The following SMPDL3B variants were observed in gnomAD, a reference collection of about 807,000 sequenced individuals.
The protein encoded by SMPDL3B is acid sphingomyelinase-like phosphodiesterase 3b.
A neutral mutation model predicts 37.9 loss-of-function variants in SMPDL3B; 31 were observed. That is an observed-to-expected ratio of 0.82 (90% CI 0.61 to 1.10). The LOEUF (loss-of-function observed/expected upper bound fraction) is 1.10, where lower values mean the gene tolerates loss of function less well. Ranked by LOEUF, SMPDL3B falls within the 50% of genes least tolerant of loss-of-function variation. SMPDL3B has a pLI of 0.00. For synonymous variants in SMPDL3B, 235 were observed against 242.6 expected (o/e 0.97, Z 0.29); for missense variants, 525 against 597.8 (o/e 0.88, Z 1.27).
intron 1 of SMPDL3B, among the ~76,000 whole-genome samples, chr1:27,935,743 T>G (rs1192925585): frequency 2.6e-5 from 4 of 151,986 alleles, no homozygotes; most frequent in Admixed American, 1.3e-4. Context: ...AGGCGGGTTG[T>G]GGGGAGGGGG....
Position 27,958,542 on chromosome 1 carries a change from G to C in SMPDL3B, c.1072G>C (p.Glu358Gln). Residue 358 changes from glutamate to glutamine, a missense_variant, in exon 8 of 8, where the codon GAG (glutamate) becomes CAG (glutamine). Physicochemically the swap from Glu to Gln is conservative, Grantham distance 29 (BLOSUM62 2). Coordinates refer to ENST00000373894, the MANE Select transcript of SMPDL3B (RefSeq NM_014474.4). The surrounding 1 kb of genome is among the most constrained non-coding windows in gnomAD (Gnocchi z 5.6). ...NAQGTPRWEL[E>Q]YQLTEAYGVP... ...TCAGGGGACGCCGCGCTGGGAGCTC[G>C]AGTACCAGCTGACCGAGGCCTATGG... 4 of 1,613,884 alleles carry C rather than the reference G, an allele frequency of 2.5e-6. No homozygotes were observed. Among genetic ancestry groups the C allele is most frequent in the Non-Finnish European group, 3.4e-6 (4 of 1,179,900 alleles).
At chr1:27,957,684 A>C (rs1294172545) in intron 7 of SMPDL3B, among the ~76,000 whole-genome samples, 4 of 152,018 alleles carry the variant, frequency 2.6e-5, no homozygotes, top group Non-Finnish European at 4.4e-5. Flanking sequence ...CCACATGGGC[A>C]CTCCAAGGGT....
In SMPDL3B at chr1:27,954,469, C is replaced by CCAG; in HGVS notation, c.637_639dup (p.Gln213dup). ...TGACAGCAGACATGGCGGACCCTGG[C>CCAG]CAGCAGTTCCAGTGGCTGGAAGATG... On this transcript the variant is annotated inframe_insertion, in exon 5 of 8. Coordinates refer to ENST00000373894, the MANE Select transcript of SMPDL3B (RefSeq NM_014474.4). The CCAG allele has an allele frequency of 6.2e-7, 1 of 1,614,060 alleles. No homozygotes were observed. Among genetic ancestry groups the CCAG allele is most frequent in the Non-Finnish European group, 8.5e-7 (1 of 1,180,016 alleles).
Position 27,955,789 on chromosome 1 carries a change from C to CT in SMPDL3B, c.796_797insT (p.His266LeufsTer23), listed in dbSNP as rs780426020. Reference sequence around the variant, plus strand: ...AAAATACCTGAAGGTGGTCCGGAAGCATCATCGCGTCATAGCAGGGCAGTT... The same window carrying CT: ...AAAATACCTGAAGGTGGTCCGGAAGCTATCATCGCGTCATAGCAGGGCAGTT... On this transcript the variant is annotated frameshift_variant, in exon 6 of 8. Coordinates refer to ENST00000373894, the MANE Select transcript of SMPDL3B (RefSeq NM_014474.4). LOFTEE classifies it high-confidence loss of function. 6.2e-7 allele frequency: 1 copy of CT among 1,614,162 alleles called. No individual in the cohort carries two copies. Among genetic ancestry groups the CT allele is most frequent in the Admixed American group, 1.7e-5 (1 of 60,022 alleles).
chr1:27,959,083 AC>A lies in SMPDL3B; in HGVS notation c.*251del, dbSNP rs1403501083. The A allele has an allele frequency of 2.0e-6, 1 of 511,252 alleles. No individual in the cohort carries two copies. Among genetic ancestry groups the A allele is most frequent in the South Asian group, 3.1e-5 (1 of 32,282 alleles). The allele number at this position is 511,252 out of a possible 1,614,324, so 31.7% of individuals were successfully genotyped here. ...AACAGAAAAGAAATGACGACCCAAGACCCCCCTACAAGCATACTTCTTTTGC... is the reference window on the plus strand; with the variant it reads ...AACAGAAAAGAAATGACGACCCAAGACCCCCTACAAGCATACTTCTTTTGC... On this transcript the variant is annotated 3_prime_UTR_variant, in exon 8 of 8. Coordinates refer to ENST00000373894, the MANE Select transcript of SMPDL3B (RefSeq NM_014474.4).
In SMPDL3B at chr1:27,955,713, G is replaced by C; in HGVS notation, c.720G>C (p.Gly240=). ...MVYIVGHVPP[G]FFEKTQNKAW... is the part of the protein sequence containing the mutation. ...ACATTGTCGGCCACGTGCCCCCGGGGTTCTTTGAGAAGACGCAAAACAAGG... is the reference window on the plus strand; with the variant it reads ...ACATTGTCGGCCACGTGCCCCCGGGCTTCTTTGAGAAGACGCAAAACAAGG... Residue 240 remains glycine, a synonymous_variant, in exon 6 of 8, where the codon GGG becomes GGC. Coordinates refer to ENST00000373894, the MANE Select transcript of SMPDL3B (RefSeq NM_014474.4). The C allele has an allele frequency of 6.2e-7, 1 of 1,614,100 alleles. No homozygotes were observed. Among genetic ancestry groups the C allele is most frequent in the Non-Finnish European group, 8.5e-7 (1 of 1,180,004 alleles).
chr1:27,947,371 A>C (rs1055184155), intron 2 of SMPDL3B, among the ~76,000 whole-genome samples: 3 of 151,878 alleles, frequency 2.0e-5, no homozygotes, highest in Non-Finnish European at 2.9e-5. Flanking sequence ...AATCTCTGAG[A>C]CCTTGAAGAG....
chr1:27,940,573 G>T (rs575424055), intron 1 of SMPDL3B, among the ~76,000 whole-genome samples: 12 of 152,090 alleles, frequency 7.9e-5, no homozygotes, highest in Non-Finnish European at 1.6e-4. Context: ...GCTATGGGGT[G>T]GTGCAGTAGG....
At chr1:27,950,007 A>G (rs900821768) in intron 3 of SMPDL3B, among the ~76,000 whole-genome samples, 2 of 152,202 alleles carry the variant, frequency 1.3e-5, no homozygotes, top group Non-Finnish European at 2.9e-5. Flanking sequence ...CACTGTCACC[A>G]TAAGCCTTGG....
In SMPDL3B at chr1:27,955,978, C is replaced by T; in HGVS notation, c.901C>T (p.Pro301Ser). Reference sequence around the variant, plus strand: ...CCCCATAAGCGCCATGTTCATCACACCTGGAGTCACCCCATGGAAAACCAC... The same window carrying T: ...CCCCATAAGCGCCATGTTCATCACATCTGGAGTCACCCCATGGAAAACCAC... ...GVPISAMFIT[P>S]GVTPWKTTLP... Residue 301 changes from proline to serine, a missense_variant, in exon 7 of 8, where the codon CCT (proline) becomes TCT (serine). Physicochemically the swap from Pro to Ser is moderately conservative, Grantham distance 74. Coordinates refer to ENST00000373894, the MANE Select transcript of SMPDL3B (RefSeq NM_014474.4). 2 of 1,614,120 alleles carry T rather than the reference C, an allele frequency of 1.2e-6. No homozygotes were observed. Among genetic ancestry groups the T allele is most frequent in the Non-Finnish European group, 1.7e-6 (2 of 1,180,018 alleles).
At chr1:27,942,813 G>A (rs2090372105) in intron 1 of SMPDL3B, among the ~76,000 whole-genome samples, 1 of 152,188 alleles carries the variant, frequency 6.6e-6, no homozygotes, top group Non-Finnish European at 1.5e-5. Flanking sequence ...ACAGGCGTGA[G>A]CCACTGTGCC....
intron 1 of SMPDL3B, among the ~76,000 whole-genome samples, chr1:27,943,844 A>G (rs2090380520): frequency 6.6e-6 from 1 of 151,364 alleles, no homozygotes; most frequent in South Asian, 2.1e-4. Context: ...TACTAAAAAT[A>G]CAAATACAAA....
At chr1:27,948,915 C>G in intron 2 of SMPDL3B, 150 bp from the exon 3 acceptor site, 1 of 1,452,848 alleles carries the variant, frequency 6.9e-7, no homozygotes, top group Non-Finnish European at 9.4e-7. Flanking sequence ...TCTGTCCCAT[C>G]TGACTCCACT....
intron 1 of SMPDL3B, among the ~76,000 whole-genome samples, chr1:27,936,054 T>C (rs1178063588): frequency 6.6e-6 from 1 of 152,200 alleles, no homozygotes; most frequent in Non-Finnish European, 1.5e-5. Context: ...TCTTTCCACG[T>C]GCCTGTAGAT....
At position 27,945,276 on chromosome 1, in the gene SMPDL3B, A is replaced by C. The variant is rs1322696954; in HGVS notation, c.106A>C (p.Lys36Gln). 3 of 1,614,136 alleles carry C rather than the reference A, an allele frequency of 1.9e-6. No individual in the cohort carries two copies. Among genetic ancestry groups the C allele is most frequent in the Non-Finnish European group, 2.5e-6 (3 of 1,180,000 alleles). Residue 36 changes from lysine (K) to glutamine (Q), a missense_variant, in exon 2 of 8, where the codon AAG becomes CAG. Coordinates refer to ENST00000373894, the MANE Select transcript of SMPDL3B (RefSeq NM_014474.4). This position sits in a 1 kb window ranked among gnomAD's most constrained non-coding sequence, Gnocchi z 4.0. The stretch of plus-strand genomic sequence containing the variant: ...TGACCTGCACCTTGACCCTGACTAC[A>C]AGGTATCCAAAGACCCCTTCCAGGT... The part of the protein sequence containing the change: ...IADLHLDPDY[K>Q]VSKDPFQVCP...
chr1:27,946,260 G>A (rs1295507168), intron 2 of SMPDL3B, among the ~76,000 whole-genome samples: 2 of 151,874 alleles, frequency 1.3e-5, no homozygotes, highest in African/African-American at 4.8e-5. Context: ...GGCTGAGGCA[G>A]GAGAATCGCT....
chr1:27,942,575 T>A (rs1009130451), intron 1 of SMPDL3B, among the ~76,000 whole-genome samples: 1 of 152,186 alleles, frequency 6.6e-6, no homozygotes, highest in Non-Finnish European at 1.5e-5. Context: ...GCCTCCTGGG[T>A]TCAAGCGATT....
chr1:27,943,726 C>T (rs549495542), intron 1 of SMPDL3B, among the ~76,000 whole-genome samples: 6 of 152,186 alleles, frequency 3.9e-5, no homozygotes, highest in Non-Finnish European at 7.4e-5. Flanking sequence ...TGGCCAGGTG[C>T]GGTGGCTCAC....
chr1:27,953,447 T>G, intron 4 of SMPDL3B, 89 bp downstream of exon 4: 2 of 1,187,818 alleles, frequency 1.7e-6, no homozygotes, highest in Non-Finnish European at 2.3e-6. Context: ...GAATAAGTAC[T>G]GATTTTATCC....
Sources: allele counts gnomAD v4.1 joint callset (sites outside exome capture counted in the v4.1 genomes callset), GRCh38; gene constraint gnomAD v4.1.1; non-coding constraint Gnocchi (gnomAD v3.1); transcripts MANE v1.5; gene names NCBI Gene and HGNC (gene_info 2026-07-23, HGNC 2026-07-21).